KCND3: variants seen among roughly 807,000 people sequenced by gnomAD.
KCND3 encodes potassium voltage-gated channel subfamily D member 3, also known as A-type voltage-gated potassium channel KCND3.
A neutral mutation model predicts 51.1 loss-of-function variants in KCND3; 9 were observed. The observed-to-expected ratio is 0.18, with a 90% CI of 0.11 to 0.31. The LOEUF (loss-of-function observed/expected upper bound fraction) is 0.31. KCND3 is among the 10% of genes least tolerant of loss of function. The pLI is 1.00. For missense variants in KCND3, 526 were observed against 903.8 expected, an observed-to-expected ratio of 0.58 and a Z score of 5.36; for synonymous variants, 349 against 368.0, an observed-to-expected ratio of 0.95 and a Z score of 0.59.
Position 111,773,949 on chromosome 1 carries a change from A to G in KCND3, c.*2128T>C, listed in dbSNP as rs1204853071. ...TGATGTGTTTAGGTTGGTTGTGTGT[A>G]TACACATGTACTCTGTAGTTGTAAA... On this transcript the variant is annotated 3_prime_UTR_variant, in exon 8 of 8. Transcript: ENST00000302127. 1 of 152,202 alleles carries G rather than the reference A, an allele frequency of 6.6e-6. No homozygotes were observed. The highest frequency in any genetic ancestry group is 2.4e-5 in the African/African-American group (1 of 41,456). The allele number at this position is 152,202 out of a possible 1,614,324, so 9.4% of individuals were successfully genotyped here. A position where few individuals can be genotyped will look rare whatever the true frequency, so the allele number is the denominator to read the frequency against.
intron 2 of KCND3, among the ~76,000 whole-genome samples, chr1:111,788,986 A>G (rs1437429917): frequency 5.3e-5 from 8 of 152,210 alleles, no homozygotes. Flanking sequence ...GGTTGTCCCA[A>G]GTTCAAATAG....
At chr1:111,842,308 A>G (rs1307638978) in intron 2 of KCND3, among the ~76,000 whole-genome samples, 1 of 152,192 alleles carries the variant, frequency 6.6e-6, no homozygotes, top group East Asian at 1.9e-4. Context: ...TGCTGCCCAG[A>G]TGCCTGCCTG....
intron 2 of KCND3, chr1:111,910,984 G>A (rs1293705295): frequency 6.6e-6 from 1 of 152,214 alleles, no homozygotes; most frequent in Non-Finnish European, 1.5e-5. Context: ...ATAGACCTAT[G>A]GTTCTGGATG....
chr1:111,969,325 T>C (rs750896380), intron 2 of KCND3, among the ~76,000 whole-genome samples: 19 of 152,142 alleles, frequency 1.2e-4, no homozygotes, highest in South Asian at 2.1e-4. Flanking sequence ...TGGTAGGACA[T>C]TGGGGGCACA....
At chr1:111,915,749 T>A (rs1671177739) in intron 2 of KCND3, among the ~76,000 whole-genome samples, 2 of 106,808 alleles carry the variant, frequency 1.9e-5, no homozygotes, top group African/African-American at 3.4e-5. Context: ...TGAGACTCTG[T>A]CTCAAAAAAA....
intron 1 of KCND3, among the ~76,000 whole-genome samples, chr1:111,985,376 G>A (rs1385068530): frequency 3.9e-5 from 6 of 152,192 alleles, no homozygotes; most frequent in South Asian, 4.1e-4. Context: ...AGTAGGCGGC[G>A]CCATTAAACC....
At chr1:111,852,371 T>G (rs1031367044) in intron 2 of KCND3, among the ~76,000 whole-genome samples, 1 of 152,164 alleles carries the variant, frequency 6.6e-6, no homozygotes, top group Non-Finnish European at 1.5e-5. Flanking sequence ...GCCTAGCAGG[T>G]GGGGAGTCCT....
chr1:111,819,067 T>C (rs1666235259), intron 2 of KCND3, among the ~76,000 whole-genome samples: 1 of 152,090 alleles, frequency 6.6e-6, no homozygotes, highest in Non-Finnish European at 1.5e-5. Context: ...ACCATCACAG[T>C]CATTTGGATT....
chr1:111,856,098 C>CG (rs1668052267), intron 2 of KCND3, among the ~76,000 whole-genome samples: 1 of 152,196 alleles, frequency 6.6e-6, no homozygotes, highest in Non-Finnish European at 1.5e-5. Context: ...CAGACCTGGA[C>CG]GGAGACCCTC....
rs1376089850 is a variant in KCND3 at position 111,778,402 on chromosome 1, G to T, written c.1518+34C>A. ...TCCACAGACTCAGAATTATCAGAGA[G>T]AAAAACATCAATTGAATTTTTAAAA... On this transcript the variant is annotated intron_variant, in intron 6 of 7. Coordinates refer to ENST00000302127, the MANE Select transcript of KCND3 (RefSeq NM_001378969.1). 3 of 1,590,610 alleles carry T rather than the reference G, an allele frequency of 1.9e-6. No homozygotes were observed. The Admixed American group carries it at 5.0e-5, about 27-fold the overall frequency.
intron 2 of KCND3, among the ~76,000 whole-genome samples, chr1:111,968,500 TA>T: frequency 6.6e-6 from 1 of 152,306 alleles, no homozygotes; most frequent in East Asian, 1.9e-4. Flanking sequence ...GATCACAACT[TA>T]TGAAGAAAGA....
At chr1:111,809,334 A>G (rs928113390) in intron 2 of KCND3, among the ~76,000 whole-genome samples, 3 of 148,844 alleles carry the variant, frequency 2.0e-5, no homozygotes, top group African/African-American at 7.5e-5. Flanking sequence ...TTTGAGACAG[A>G]GTCTCGCTCT....
chr1:111,779,275 A>G (rs1664266686), intron 5 of KCND3, among the ~76,000 whole-genome samples: 1 of 152,088 alleles, frequency 6.6e-6, no homozygotes, highest in Non-Finnish European at 1.5e-5. Flanking sequence ...AGCCTGGGCA[A>G]CATAGCAAGA....
intron 2 of KCND3, among the ~76,000 whole-genome samples, chr1:111,927,853 C>G (rs1038715366): frequency 6.6e-6 from 1 of 152,148 alleles, no homozygotes; most frequent in Non-Finnish European, 1.5e-5. Context: ...TCTTCCCTCT[C>G]CACAGCACTC....
chr1:111,860,252 A>T (rs144462583), intron 2 of KCND3, among the ~76,000 whole-genome samples: 25 of 152,382 alleles, frequency 1.6e-4, no homozygotes, highest in Middle Eastern at 3.4e-3. Context: ...AGCTATTGTT[A>T]ATCTCATTTA....
intron 2 of KCND3, among the ~76,000 whole-genome samples, chr1:111,966,080 C>A (rs550473755): frequency 2.9e-4 from 44 of 152,152 alleles, no homozygotes; most frequent in Non-Finnish European, 4.0e-4. Flanking sequence ...TTGGCACCAC[C>A]CTGCTGCTGG....
intron 2 of KCND3, among the ~76,000 whole-genome samples, chr1:111,882,941 C>T (rs549265882): frequency 6.9e-4 from 105 of 152,308 alleles, no homozygotes; most frequent in African/African-American, 2.4e-3. Flanking sequence ...AACTGTGGCC[C>T]CATTTTCTGG....
intron 2 of KCND3, among the ~76,000 whole-genome samples, chr1:111,914,912 G>C (rs1671122226): frequency 6.6e-6 from 1 of 152,142 alleles, no homozygotes; most frequent in Non-Finnish European, 1.5e-5. Flanking sequence ...AGTGTTAACT[G>C]TTTAGAACAA....
In KCND3 at chr1:111,838,469, G is replaced by A. The variant is rs902490924; in HGVS notation, c.1107-51363C>T. On this transcript the variant is annotated intron_variant, in intron 2 of 7. Transcript: ENST00000302127. ...TCAGGAGTTCGAGACCAGCCTGGCCGACATAGTGAAACCCCGTCTCTACTA... is the reference window on the plus strand; with the variant it reads ...TCAGGAGTTCGAGACCAGCCTGGCCAACATAGTGAAACCCCGTCTCTACTA... Among the ~76,000 whole-genome samples the A allele has an allele frequency of 6.6e-5, 10 of 152,048 alleles. No individual in the cohort carries two copies. The South Asian group carries it at 1.0e-3, about 16-fold the overall frequency.
Sources: gnomAD v4.1 joint callset for allele counts (sites outside exome capture counted in the v4.1 genomes callset) on GRCh38, gnomAD v4.1.1 for gene constraint, MANE v1.5 for transcripts, NCBI Gene and HGNC (gene_info 2026-07-23, HGNC 2026-07-21) for gene names.